PPP1R42: variants seen among roughly 807,000 people sequenced by gnomAD.
PPP1R42 encodes protein phosphatase 1 regulatory subunit 42.
PPP1R42 carries 34 observed loss-of-function variants against 31.0 expected under a neutral mutation model. That is an observed-to-expected ratio of 1.10 (90% CI 0.83 to 1.46). PPP1R42 has a LOEUF of 1.46. PPP1R42 is among the 40% of genes most tolerant of loss of function. The pLI, the probability that PPP1R42 is intolerant of heterozygous loss-of-function variation, is 0.00. For synonymous variants in PPP1R42, 103 were observed against 109.8 expected, an observed-to-expected ratio of 0.94 and a Z score of 0.39; for missense variants, 268 against 303.0, an observed-to-expected ratio of 0.88 and a Z score of 0.86.
intron 5 of PPP1R42, among the ~76,000 whole-genome samples, chr8:66,989,395 T>C (rs146558352): frequency 2.6e-5 from 4 of 152,350 alleles, no homozygotes; most frequent in African/African-American, 9.6e-5. Flanking sequence ...TTGTCTGTTA[T>C]GTCTTGCTTT....
chr8:66,981,072 C>T (rs1489487228), intron 7 of PPP1R42, among the ~76,000 whole-genome samples: 1 of 152,062 alleles, frequency 6.6e-6, no homozygotes, highest in South Asian at 2.1e-4. Flanking sequence ...GAACTCCTGA[C>T]CTCATGTGAT....
At chr8:66,985,496 C>A in intron 6 of PPP1R42, 2 of 1,127,130 alleles carry the variant, frequency 1.8e-6, no homozygotes, top group Non-Finnish European at 2.7e-6. Flanking sequence ...TTTAACTCCC[C>A]CTTTGGGGAA....
At chr8:67,024,835 T>G (rs184850970) in intron 1 of PPP1R42, among the ~76,000 whole-genome samples, 33 of 152,126 alleles carry the variant, frequency 2.2e-4, no homozygotes, top group African/African-American at 7.9e-4. Flanking sequence ...CTGGTAGACC[T>G]CTAATGTTAA....
chr8:66,972,482 C>T lies in PPP1R42; in HGVS notation c.803-8148G>A, dbSNP rs891663862. 3.3e-5 allele frequency among the ~76,000 whole-genome samples: 5 copies of T among 152,184 alleles called. No individual in the cohort carries two copies. In the South Asian group the frequency reaches 8.3e-4, roughly 25 times the overall value. Reference sequence around the variant, plus strand: ...TCGGCTCACTACAACCTTTGCCTCCCGGGTTCAAGTGATTCTCCTGCCTCA... The same window carrying T: ...TCGGCTCACTACAACCTTTGCCTCCTGGGTTCAAGTGATTCTCCTGCCTCA... On this transcript the variant is annotated intron_variant, in intron 7 of 7. Transcript: ENST00000685739.
rs568326017 is a variant in PPP1R42 at position 66,983,142 on chromosome 8, T to G, written c.671-962A>C. Among the ~76,000 whole-genome samples the G allele has an allele frequency of 6.6e-5, 10 of 152,302 alleles. No homozygotes were observed. The South Asian group carries it at 8.3e-4, about 13-fold the overall frequency. On this transcript the variant is annotated intron_variant, in intron 6 of 7. Coordinates refer to ENST00000685739, the MANE Select transcript of PPP1R42 (RefSeq NM_001364910.1). ...GGAAAACACACAAAAAATAAAAAAATTATTCCCCAATGAGAAATAATCACT... is the reference window on the plus strand; with the variant it reads ...GGAAAACACACAAAAAATAAAAAAAGTATTCCCCAATGAGAAATAATCACT...
intron 1 of PPP1R42, among the ~76,000 whole-genome samples, chr8:67,023,582 G>C (rs1194976235): frequency 2.0e-5 from 3 of 152,094 alleles, no homozygotes; most frequent in African/African-American, 7.2e-5. Context: ...TTATTTTATA[G>C]AGTCTTTGGG....
At chr8:66,988,369 T>G (rs1815090149) in intron 6 of PPP1R42, 31 bp downstream of exon 6, 1 of 1,344,174 alleles carries the variant, frequency 7.4e-7, no homozygotes, top group African/African-American at 1.5e-5. Flanking sequence ...GGTGTCATTC[T>G]CTTAAAAATT....
intron 1 of PPP1R42, among the ~76,000 whole-genome samples, chr8:67,026,128 G>C (rs1306157023): frequency 6.6e-6 from 1 of 151,864 alleles, no homozygotes. Context: ...CTGAGGTCAG[G>C]AGTTTGCGAC....
At chr8:66,965,557 T>C (rs1292819212) in intron 7 of PPP1R42, among the ~76,000 whole-genome samples, 1 of 151,608 alleles carries the variant, frequency 6.6e-6, no homozygotes, top group Non-Finnish European at 1.5e-5. Context: ...CAAGTGATCC[T>C]TCCACCCTAG....
At chr8:67,005,649 T>A (rs1215250456) in intron 5 of PPP1R42, among the ~76,000 whole-genome samples, 1 of 152,212 alleles carries the variant, frequency 6.6e-6, no homozygotes, top group Non-Finnish European at 1.5e-5. Context: ...CTTCCCTTCC[T>A]TTATGCCTAC....
chr8:67,001,441 A>G (rs940353431), intron 5 of PPP1R42, among the ~76,000 whole-genome samples: 4 of 149,136 alleles, frequency 2.7e-5, no homozygotes, highest in African/African-American at 9.8e-5. Flanking sequence ...TAATATTAAT[A>G]TTAATATATA....
chr8:67,000,288 AT>A (rs1482071225), intron 5 of PPP1R42, among the ~76,000 whole-genome samples: 2 of 151,470 alleles, frequency 1.3e-5, no homozygotes, highest in Non-Finnish European at 2.9e-5. Flanking sequence ...TCATTTTATA[AT>A]TTTTTTCTTT....
At chr8:66,965,437 CT>C (rs1814353024) in intron 7 of PPP1R42, among the ~76,000 whole-genome samples, 1 of 148,394 alleles carries the variant, frequency 6.7e-6, no homozygotes, top group African/African-American at 2.5e-5. Flanking sequence ...TGTTTACCTT[CT>C]TTTTTCTTTT....
intron 1 of PPP1R42, among the ~76,000 whole-genome samples, chr8:67,019,469 A>G (rs1190544730): frequency 2.8e-5 from 4 of 141,346 alleles, no homozygotes. Flanking sequence ...TGAACTCCTG[A>G]CCTCGTGATC....
At chr8:66,984,965 G>T in intron 6 of PPP1R42, 1 of 1,553,980 alleles carries the variant, frequency 6.4e-7, no homozygotes, top group Non-Finnish European at 8.9e-7. Flanking sequence ...AGCTGGGCTG[G>T]ATGTTCAACA....
intron 7 of PPP1R42, among the ~76,000 whole-genome samples, chr8:66,974,972 C>A (rs1814630316): frequency 6.6e-6 from 1 of 152,134 alleles, no homozygotes. Context: ...TATTTGTGGT[C>A]TTCAGTGGTT....
intron 5 of PPP1R42, among the ~76,000 whole-genome samples, chr8:66,996,154 G>C (rs190353296): frequency 6.6e-6 from 1 of 152,136 alleles, no homozygotes; most frequent in Non-Finnish European, 1.5e-5. Context: ...AGGCTCAAGC[G>C]ATCCTTCCAC....
intron 5 of PPP1R42, among the ~76,000 whole-genome samples, chr8:67,005,225 A>G (rs1317252745): frequency 6.7e-6 from 1 of 149,238 alleles, no homozygotes; most frequent in Non-Finnish European, 1.5e-5. Context: ...CAGGTATTCT[A>G]TCCAGGCATT....
chr8:66,990,191 C>T (rs934354937), intron 5 of PPP1R42, among the ~76,000 whole-genome samples: 16 of 152,110 alleles, frequency 1.1e-4, no homozygotes, highest in Non-Finnish European at 2.2e-4. Flanking sequence ...TTGTATTTCT[C>T]TTACTCTAAA....
Sources: allele counts gnomAD v4.1 joint callset (sites outside exome capture counted in the v4.1 genomes callset), GRCh38; gene constraint gnomAD v4.1.1; transcripts MANE v1.5; gene names NCBI Gene and HGNC (gene_info 2026-07-23, HGNC 2026-07-21).